Variants in KANK1 observed in about 807,000 individuals in gnomAD.
KANK1 encodes the protein KN motif and ankyrin repeat domains 1, also known as KN motif and ankyrin repeat domain-containing protein 1.
Under a neutral mutation model 106.2 loss-of-function variants are expected in KANK1, and 109 were observed. The ratio of observed to expected loss-of-function variants is 1.03; its 90% CI spans 0.88 to 1.20. The LOEUF is 1.20. Among genes scored for constraint, KANK1 ranks in the 50% most tolerant of loss-of-function variants. The pLI is 0.00. For missense variants in KANK1, 2,399 were observed against 1,710.7 expected (o/e 1.40, Z -7.10); for synonymous variants, 873 against 652.2 (o/e 1.34, Z -5.16).
chr9:720,928 T>G (rs1298323545), intron 3 of KANK1, among the ~76,000 whole-genome samples: 1 of 152,166 alleles, frequency 6.6e-6, no homozygotes, highest in African/African-American at 2.4e-5. Flanking sequence ...TGGATCCAAG[T>G]TGATGGGTTG....
At chr9:620,464 G>A (rs1013090974) in intron 1 of KANK1, among the ~76,000 whole-genome samples, 12 of 151,958 alleles carry the variant, frequency 7.9e-5, no homozygotes, top group African/African-American at 2.4e-4. Context: ...AATGAATGGC[G>A]TGATTTCGGC....
At chr9:611,736 G>A (rs1233063753) in intron 1 of KANK1, among the ~76,000 whole-genome samples, 1 of 151,082 alleles carries the variant, frequency 6.6e-6, no homozygotes. Flanking sequence ...TCTTTTTTTT[G>A]GAGACAAAGT....
chr9:506,539 T>C (rs1387090788), intron 1 of KANK1, among the ~76,000 whole-genome samples: 2 of 151,918 alleles, frequency 1.3e-5, no homozygotes, highest in Non-Finnish European at 2.9e-5. Flanking sequence ...TGTGTGTGTG[T>C]GTGTGTGTGC....
chr9:661,204 C>A (rs577875706), intron 1 of KANK1, among the ~76,000 whole-genome samples: 2 of 152,028 alleles, frequency 1.3e-5, no homozygotes, highest in African/African-American at 4.8e-5. Flanking sequence ...ATACATGTGC[C>A]ATGTTGGTGT....
At position 711,277 on chromosome 9, in the gene KANK1, A is replaced by G. The variant is rs113784365; in HGVS notation, c.511A>G (p.Thr171Ala). 62 of 1,614,046 alleles carry G rather than the reference A, an allele frequency of 3.8e-5. No homozygotes were observed. The African/African-American group carries it at 5.9e-4, about 15-fold the overall frequency. ...TRRRLEQERA[T>A]MQMTPGEFRR... Reference sequence around the variant, plus strand: ...GAGAAGACTGGAACAGGAGAGAGCCACCATGCAGATGACACCGGGTGAGTT... The same window carrying G: ...GAGAAGACTGGAACAGGAGAGAGCCGCCATGCAGATGACACCGGGTGAGTT... The change falls in exon 3 of 12, where the codon ACC becomes GCC. Residue 171 changes from threonine to alanine, a missense_variant. Thr to Ala is a moderately conservative substitution (Grantham distance 58, BLOSUM62 0). Transcript: ENST00000382297.
At chr9:574,578 C>T (rs747640772) in intron 1 of KANK1, among the ~76,000 whole-genome samples, 3 of 152,220 alleles carry the variant, frequency 2.0e-5, no homozygotes, top group South Asian at 2.1e-4. Flanking sequence ...CTTTCTCAGC[C>T]GCGCGTGGTG....
intron 1 of KANK1, among the ~76,000 whole-genome samples, chr9:623,864 G>A (rs77887773): frequency 0.068 from 10,326 of 152,164 alleles, 1,149 homozygotes; most frequent in African/African-American, 0.23. Context: ...TGATCCAGCA[G>A]TCCCACTTGT....
At chr9:716,261 G>T (rs915452841) in intron 3 of KANK1, among the ~76,000 whole-genome samples, 3 of 152,206 alleles carry the variant, frequency 2.0e-5, no homozygotes, top group African/African-American at 7.2e-5. Flanking sequence ...CCTTCACAGG[G>T]TTGTAATGAA....
chr9:713,435 T>C lies in KANK1; in HGVS notation c.2669T>C (p.Phe890Ser), dbSNP rs376670053. ...ACTGAAGAGCTGAGGAACCCTGACT[T>C]CCAGAAAACCAGTCTGGGTAAAATC... ...ASTEELRNPDFQKTSLGKITG... is the reference protein window; with the variant it reads ...ASTEELRNPDSQKTSLGKITG... Residue 890 changes from phenylalanine to serine, a missense_variant, in exon 3 of 12, where the codon TTC becomes TCC. By Grantham distance (155) the Phe-to-Ser change is radical (BLOSUM62 -2). Coordinates refer to ENST00000382297, the MANE Select transcript of KANK1 (RefSeq NM_015158.5). 1 of 1,600,604 alleles carries C rather than the reference T, an allele frequency of 6.2e-7. No homozygotes were observed. Among genetic ancestry groups the C allele is most frequent in the African/African-American group, 1.3e-5 (1 of 74,302 alleles).
chr9:649,797 G>T (rs143685141), intron 1 of KANK1, among the ~76,000 whole-genome samples: 1 of 152,148 alleles, frequency 6.6e-6, no homozygotes, highest in Non-Finnish European at 1.5e-5. Context: ...CAACCAGGGA[G>T]GTGTAAAATG....
intron 1 of KANK1, among the ~76,000 whole-genome samples, chr9:638,899 A>T (rs952108576): frequency 1.3e-5 from 2 of 152,254 alleles, no homozygotes; most frequent in African/African-American, 4.8e-5. Flanking sequence ...TCGACAACTT[A>T]GGAGTAGTTC....
chr9:562,505 C>CTGCAGTGAGATGGTGTAG (rs1386709833), intron 1 of KANK1, among the ~76,000 whole-genome samples: 1 of 152,168 alleles, frequency 6.6e-6, no homozygotes, highest in East Asian at 1.9e-4. Flanking sequence ...TAAAGCTCAG[C>CTGCAGTGAGATGGTGTAG]TGCAGTGAGA....
intron 1 of KANK1, among the ~76,000 whole-genome samples, chr9:513,214 C>G (rs780182349): frequency 6.6e-6 from 1 of 152,210 alleles, no homozygotes; most frequent in Non-Finnish European, 1.5e-5. Flanking sequence ...TTTTTCTTCC[C>G]TACACTTAGC....
chr9:495,388 AC>A (rs2058441510), intron 3 of KANK1: 1 of 152,180 alleles, frequency 6.6e-6, no homozygotes, highest in Admixed American at 6.5e-5. Context: ...AAAGACTCTT[AC>A]GTAACCAGAT....
intron 1 of KANK1, among the ~76,000 whole-genome samples, chr9:585,131 G>A (rs1371174898): frequency 3.3e-5 from 5 of 152,168 alleles, no homozygotes; most frequent in Non-Finnish European, 5.9e-5. Context: ...TAACCACTCA[G>A]TGTCTTCTTC....
At chr9:578,422 C>A (rs1366302920) in intron 1 of KANK1, among the ~76,000 whole-genome samples, 2 of 151,286 alleles carry the variant, frequency 1.3e-5, no homozygotes, top group African/African-American at 4.9e-5. Flanking sequence ...GGACCACAGA[C>A]AATTAAATGT....
intron 2 of KANK1, chr9:680,883 A>G (rs760595456): frequency 1.6e-4 from 24 of 152,058 alleles, no homozygotes; most frequent in African/African-American, 5.6e-4. Context: ...CCTCCATCCT[A>G]CTTCTCTTGA....
chr9:711,449 C>T lies in KANK1; in HGVS notation c.683C>T (p.Ala228Val), dbSNP rs138522309. ...GNGDYGSYAPAAPTTSSMGSS... is the reference protein window; with the variant it reads ...GNGDYGSYAPVAPTTSSMGSS... ...GGGGATTATGGTAGCTATGCCCCAG[C>T]TGCTCCCACCACTTCCTCCATGGGG... The change falls in exon 3 of 12, where the codon GCT becomes GTT. Residue 228 changes from alanine to valine, a missense_variant. Coordinates refer to ENST00000382297, the MANE Select transcript of KANK1 (RefSeq NM_015158.5). 2.5e-6 allele frequency: 4 copies of T among 1,614,140 alleles called. No individual in the cohort carries two copies. The Admixed American group carries it at 6.7e-5, about 27-fold the overall frequency.
chr9:583,133 G>A (rs1022629079), intron 1 of KANK1, among the ~76,000 whole-genome samples: 10 of 152,156 alleles, frequency 6.6e-5, no homozygotes, highest in Non-Finnish European at 1.2e-4. Flanking sequence ...AGTAGTCCCT[G>A]GGATTACTTC....
Sources: allele counts gnomAD v4.1 joint callset (sites outside exome capture counted in the v4.1 genomes callset), GRCh38; gene constraint gnomAD v4.1.1; transcripts MANE v1.5; gene names NCBI Gene and HGNC (gene_info 2026-07-23, HGNC 2026-07-21).